Variants in SYTL1 observed in about 807,000 individuals in gnomAD.
SYTL1 encodes synaptotagmin-like protein 1.
SYTL1 carries 53 observed loss-of-function variants against 74.6 expected under a neutral mutation model. The ratio of observed to expected loss-of-function variants is 0.71; its 90% CI spans 0.57 to 0.89. The LOEUF (loss-of-function observed/expected upper bound fraction) is 0.89. Among genes scored for constraint, SYTL1 ranks in the 40% least tolerant of loss-of-function variants. The pLI is 0.00. For missense variants in SYTL1, 728 were observed against 768.7 expected (o/e 0.95, Z 0.63); for synonymous variants, 329 against 324.9 (o/e 1.01, Z -0.14).
rs528138959 is a variant in SYTL1 at position 27,351,446 on chromosome 1, C to T, written c.1244-10C>T. On this transcript the variant is annotated splice_polypyrimidine_tract_variant and intron_variant, in intron 12 of 14. Transcript: ENST00000616558. This position sits in a 1 kb window ranked among gnomAD's most constrained non-coding sequence, Gnocchi z 5.0. ...ATCCGTGTGCGGGCCTGAGCCGAGCCTCTCCGCAGGCGCAGGACTGCCCCC... is the reference window on the plus strand; with the variant it reads ...ATCCGTGTGCGGGCCTGAGCCGAGCTTCTCCGCAGGCGCAGGACTGCCCCC... The T allele has an allele frequency of 2.6e-6, 4 of 1,518,410 alleles. No homozygotes were observed. The highest frequency in any genetic ancestry group is 3.5e-6 in the Non-Finnish European group (4 of 1,129,334). The allele number at this position is 1,518,410 out of a possible 1,614,324, so 94.1% of individuals were successfully genotyped here.
At chr1:27,353,148 G>A in intron 13 of SYTL1, 135 bp from the exon 14 acceptor site, 4 of 867,336 alleles carry the variant, frequency 4.6e-6, no homozygotes, top group Non-Finnish European at 5.4e-6. Flanking sequence ...TCCCAGGGCA[G>A]TGAGGGTCTA....
chr1:27,350,535 C>T lies in SYTL1; in HGVS notation c.1005+50C>T, dbSNP rs770626440. ...TCCCCGTTAATGAACTGGACGCCCC[C>T]TTCCTGCGGGGCTAGGTGGCAAGGG... On this transcript the variant is annotated intron_variant, in intron 10 of 14. Coordinates refer to ENST00000616558, the MANE Select transcript of SYTL1 (RefSeq NM_001193308.2). The surrounding 1 kb of genome is among the most constrained non-coding windows in gnomAD (Gnocchi z 6.3). The T allele has an allele frequency of 1.3e-6, 2 of 1,484,328 alleles. No individual in the cohort carries two copies. Among genetic ancestry groups the T allele is most frequent in the African/African-American group, 1.4e-5 (1 of 72,654 alleles). The allele number at this position is 1,484,328 out of a possible 1,614,324, so 91.9% of individuals were successfully genotyped here.
Position 27,343,558 on chromosome 1 carries a change from G to A in SYTL1, c.-39+1408G>A, listed in dbSNP as rs1426873252. 6.6e-6 allele frequency among the ~76,000 whole-genome samples: 1 copy of A among 152,096 alleles called. No individual in the cohort carries two copies. The highest frequency in any genetic ancestry group is 1.5e-5 in the Non-Finnish European group (1 of 67,988). On this transcript the variant is annotated intron_variant, in intron 1 of 14. Coordinates refer to ENST00000616558, the MANE Select transcript of SYTL1 (RefSeq NM_001193308.2). The surrounding 1 kb of genome is among the most constrained non-coding windows in gnomAD (Gnocchi z 5.2). ...GTGGTGGCAGGAGGGGACCCAGGCTGTGAGGTTCCTGGTGCGGGGGAGTGA... is the reference window on the plus strand; with the variant it reads ...GTGGTGGCAGGAGGGGACCCAGGCTATGAGGTTCCTGGTGCGGGGGAGTGA...
chr1:27,347,971 A>C lies in SYTL1; in HGVS notation c.418A>C (p.Thr140Pro), dbSNP rs1400479939. Residue 140 changes from threonine to proline, a missense_variant, in exon 5 of 15, where the codon ACC becomes CCC. By Grantham distance (38) the Thr-to-Pro change is conservative. Transcript: ENST00000616558. This position sits in a 1 kb window ranked among gnomAD's most constrained non-coding sequence, Gnocchi z 4.9. The part of the protein sequence containing the change: ...EKEEGPEPRL[T>P]IDEAPQERLR... The stretch of plus-strand genomic sequence containing the variant: ...GCGTCCTCTCCCTACTCCTAGGCTC[A>C]CCATTGATGAGGCCCCTCAGGAGAG... The C allele has an allele frequency of 6.2e-7, 1 of 1,614,170 alleles. No homozygotes were observed. The highest frequency in any genetic ancestry group is 1.3e-5 in the African/African-American group (1 of 75,050).
At position 27,350,147 on chromosome 1, in the gene SYTL1, G is replaced by A. The variant is rs2015197447; in HGVS notation, c.908+15G>A. 4.3e-6 allele frequency: 6 copies of A among 1,398,142 alleles called. No individual in the cohort carries two copies. In the East Asian group the frequency reaches 1.5e-4, roughly 34 times the overall value. 86.6% of individuals were successfully genotyped at this position (1,398,142 alleles called of 1,614,324 possible). Reference sequence around the variant, plus strand: ...CGCTCGGACCCGTGAGTGCCCCGCCGGCCAAGCGGGGCGCGGCTGTCACAG... The same window carrying A: ...CGCTCGGACCCGTGAGTGCCCCGCCAGCCAAGCGGGGCGCGGCTGTCACAG... On this transcript the variant is annotated intron_variant, in intron 9 of 14. Transcript: ENST00000616558. The surrounding 1 kb of genome is among the most constrained non-coding windows in gnomAD (Gnocchi z 6.3).
At chr1:27,349,882 C>T (rs1247198729) in intron 8 of SYTL1, 90 bp from the exon 9 acceptor site, 2 of 1,537,566 alleles carry the variant, frequency 1.3e-6, no homozygotes, top group African/African-American at 2.7e-5. Flanking sequence ...AGCCTGCCAC[C>T]TATGACCCGG....
At position 27,350,484 on chromosome 1, in the gene SYTL1, G is replaced by A. The variant is rs1042345533; in HGVS notation, c.1004G>A (p.Arg335Gln). 3 of 1,611,678 alleles carry A rather than the reference G, an allele frequency of 1.9e-6. No homozygotes were observed. The highest frequency in any genetic ancestry group is 2.5e-6 in the Non-Finnish European group (3 of 1,178,728). Residue 335 changes from arginine (R) to glutamine (Q), a missense_variant and splice_region_variant, in exon 10 of 15, where the codon CGG becomes CAG. Physicochemically the swap from Arg to Gln is conservative, Grantham distance 43 (BLOSUM62 1). Coordinates refer to ENST00000616558, the MANE Select transcript of SYTL1 (RefSeq NM_001193308.2). The surrounding 1 kb of genome is among the most constrained non-coding windows in gnomAD (Gnocchi z 6.3). ...AATCCGGTTTTCAACGAGACTCTCC[G>A]GGTGAGGCTGTGACCACGATGCGGT... ...NLNPVFNETL[R>Q]YSVPQAELQG...
At position 27,348,183 on chromosome 1, in the gene SYTL1, C is replaced by T. The variant is rs955041151; in HGVS notation, c.459+171C>T. 1.3e-5 allele frequency among the ~76,000 whole-genome samples: 2 copies of T among 152,014 alleles called. No homozygotes were observed. The highest frequency in any genetic ancestry group is 4.8e-5 in the African/African-American group (2 of 41,392). On this transcript the variant is annotated intron_variant, in intron 5 of 14. Coordinates refer to ENST00000616558, the MANE Select transcript of SYTL1 (RefSeq NM_001193308.2). The surrounding 1 kb of genome is among the most constrained non-coding windows in gnomAD (Gnocchi z 4.1). ...TGGAACAGTGGTGAACGGTGGGGAA[C>T]GGTGGTGAATGGTGGTAAACAGTGG...
Position 27,345,511 on chromosome 1 carries a change from G to A in SYTL1, c.177G>A (p.Glu59=). Residue 59 remains glutamate (E), a synonymous_variant, in exon 2 of 15, where the codon GAG becomes GAA. Transcript: ENST00000616558. The surrounding 1 kb of genome is among the most constrained non-coding windows in gnomAD (Gnocchi z 6.0). ...GAGATGCCCGCCTGCGCCAGCTGGAGGAGGGGCGGGTCAGGTAAGGCAGGG... is the reference window on the plus strand; with the variant it reads ...GAGATGCCCGCCTGCGCCAGCTGGAAGAGGGGCGGGTCAGGTAAGGCAGGG... ...LQRDARLRQL[E]EGRVSKLRAS... is the part of the protein sequence containing the mutation. 2 of 1,553,538 alleles carry A rather than the reference G, an allele frequency of 1.3e-6. No homozygotes were observed. The highest frequency in any genetic ancestry group is 1.2e-5 in the South Asian group (1 of 84,058).
rs1017298256 is a variant in SYTL1 at position 27,349,827 on chromosome 1, C to CT, written c.747+63dup. ...GTGGACCCGTTCCGATGCGTAGCCC[C>CT]TGCCTGCCCCTCCCTCGCCGCGGGA... is the stretch of plus-strand genomic sequence containing the variant. On this transcript the variant is annotated intron_variant, in intron 8 of 14. Transcript: ENST00000616558. 8 of 1,543,494 alleles carry CT rather than the reference C, an allele frequency of 5.2e-6. No individual in the cohort carries two copies. In the African/African-American group the frequency reaches 1.1e-4, roughly 21 times the overall value.
rs752046188 is a variant in SYTL1, at chr1:27,347,371, G to C, written c.192-50G>C. 60 of 1,612,750 alleles carry C rather than the reference G, an allele frequency of 3.7e-5. No homozygotes were observed. The highest frequency in any genetic ancestry group is 5.0e-5 in the Non-Finnish European group (59 of 1,179,522). ...AGCCTGTTAACAATGTAGGTGGCGG[G>C]AATGTTGCTTGGGTGAGTCATGACA... On this transcript the variant is annotated intron_variant, in intron 2 of 14. Coordinates refer to ENST00000616558, the MANE Select transcript of SYTL1 (RefSeq NM_001193308.2). This position sits in a 1 kb window ranked among gnomAD's most constrained non-coding sequence, Gnocchi z 4.9.
chr1:27,345,601 C>T lies in SYTL1; in HGVS notation c.191+76C>T. On this transcript the variant is annotated intron_variant, in intron 2 of 14. Coordinates refer to ENST00000616558, the MANE Select transcript of SYTL1 (RefSeq NM_001193308.2). The surrounding 1 kb of genome is among the most constrained non-coding windows in gnomAD (Gnocchi z 6.0). ...CCCATCCTGCTCCCTACCGACACCACTGCCTGTCAGATGTCTGCGTGGTTC... is the reference window on the plus strand; with the variant it reads ...CCCATCCTGCTCCCTACCGACACCATTGCCTGTCAGATGTCTGCGTGGTTC... 1 of 1,022,416 alleles carries T rather than the reference C, an allele frequency of 9.8e-7. No homozygotes were observed. The highest frequency in any genetic ancestry group is 2.7e-5 in the Admixed American group (1 of 36,398). 63.3% of individuals were successfully genotyped at this position (1,022,416 alleles called of 1,614,324 possible). A position where few individuals can be genotyped will look rare whatever the true frequency, so the allele number is the denominator to read the frequency against.
In SYTL1 at chr1:27,342,322, C is replaced by T. The variant is rs1315838645; in HGVS notation, c.-39+172C>T. On this transcript the variant is annotated intron_variant, in intron 1 of 14. Transcript: ENST00000616558. This position sits in a 1 kb window ranked among gnomAD's most constrained non-coding sequence, Gnocchi z 4.7. ...CTCCTCTTGACCAATGGGTCTGTCC[C>T]ACCGTGTCAAAACAGCAGAGAAGAC... 1 of 985,154 alleles carries T rather than the reference C, an allele frequency of 1.0e-6. No individual in the cohort carries two copies. The highest frequency in any genetic ancestry group is 1.2e-6 in the Non-Finnish European group (1 of 829,782). 61.0% of individuals were successfully genotyped at this position (985,154 alleles called of 1,614,324 possible). A position where few individuals can be genotyped will look rare whatever the true frequency, so the allele number is the denominator to read the frequency against.
At position 27,347,930 on chromosome 1, in the gene SYTL1, G is replaced by T; in HGVS notation, c.414-37G>T. ...GAGATGGTGCCCACCAGTCACCAGG[G>T]TCCCTCCCTCTGAGAGCGTCCTCTC... On this transcript the variant is annotated intron_variant, in intron 4 of 14. Coordinates refer to ENST00000616558, the MANE Select transcript of SYTL1 (RefSeq NM_001193308.2). The surrounding 1 kb of genome is among the most constrained non-coding windows in gnomAD (Gnocchi z 4.9). The T allele has an allele frequency of 6.2e-7, 1 of 1,614,052 alleles. No individual in the cohort carries two copies. Among genetic ancestry groups the T allele is most frequent in the Non-Finnish European group, 8.5e-7 (1 of 1,179,898 alleles).
chr1:27,349,285 G>A, intron 6 of SYTL1, 113 bp from the exon 7 acceptor site: 1 of 1,463,954 alleles, frequency 6.8e-7, no homozygotes, highest in South Asian at 1.4e-5. Context: ...GACGATCCCA[G>A]GGCAGCACCG....
Position 27,349,443 on chromosome 1 carries a change from C to T in SYTL1, c.578C>T (p.Pro193Leu), listed in dbSNP as rs1255502865. 1.4e-6 allele frequency: 2 copies of T among 1,453,320 alleles called. No individual in the cohort carries two copies. Among genetic ancestry groups the T allele is most frequent in the East Asian group, 2.5e-5 (1 of 39,740 alleles). 90.0% of individuals were successfully genotyped at this position (1,453,320 alleles called of 1,614,324 possible). A position where few individuals can be genotyped will look rare whatever the true frequency, so the allele number is the denominator to read the frequency against. Residue 193 changes from proline (P) to leucine (L), a missense_variant, in exon 7 of 15, where the codon CCG (proline) becomes CTG (leucine). By Grantham distance (98) the Pro-to-Leu change is moderately conservative (BLOSUM62 -3). Transcript: ENST00000616558. Reference protein sequence around the residue: ...DQQVCAEEADPELEPASGGEQ... With the variant: ...DQQVCAEEADLELEPASGGEQ... ...CAGGTCTGTGCCGAGGAGGCTGACC[C>T]GGAGCTGGAGCCCGCGTCGGGGGGA... is the stretch of plus-strand genomic sequence containing the variant.
rs1443916183 is a variant in SYTL1, at chr1:27,345,776, TCTG to T, written c.191+254_191+256del. On this transcript the variant is annotated intron_variant, in intron 2 of 14. Transcript: ENST00000616558. The surrounding 1 kb of genome is among the most constrained non-coding windows in gnomAD (Gnocchi z 6.0). ...CTGCAGCTGGTGCTCCCCAGATCTGTCTGCTTTTTTTTTTTTTTCTTGAGACAG... is the reference window on the plus strand; with the variant it reads ...CTGCAGCTGGTGCTCCCCAGATCTGTCTTTTTTTTTTTTTTCTTGAGACAG... Among the ~76,000 whole-genome samples the T allele has an allele frequency of 6.7e-6, 1 of 150,226 alleles. No homozygotes were observed. Among genetic ancestry groups the T allele is most frequent in the Admixed American group, 6.6e-5 (1 of 15,100 alleles).
Position 27,347,214 on chromosome 1 carries a change from T to G in SYTL1, c.192-207T>G, listed in dbSNP as rs139587529. Among the ~76,000 whole-genome samples, 134 of 152,366 alleles carry G rather than the reference T, an allele frequency of 8.8e-4. 1 individual carries two copies. Among genetic ancestry groups the G allele is most frequent in the South Asian group, 7.7e-3 (37 of 4,826 alleles). On this transcript the variant is annotated intron_variant, in intron 2 of 14. Coordinates refer to ENST00000616558, the MANE Select transcript of SYTL1 (RefSeq NM_001193308.2). The surrounding 1 kb of genome is among the most constrained non-coding windows in gnomAD (Gnocchi z 4.9). Reference sequence around the variant, plus strand: ...TTCTCACAGGCAGAGCTGGCTCTTCTTACTTCTATCACATCATCCACCTCA... The same window carrying G: ...TTCTCACAGGCAGAGCTGGCTCTTCGTACTTCTATCACATCATCCACCTCA...
chr1:27,353,365 A>G lies in SYTL1; in HGVS notation c.1426A>G (p.Thr476Ala). ...RRSLSPVFNH[T>A]MVYDGFGPAD... is the part of the protein sequence containing the mutation. ...CAGCCTCAGCCCTGTGTTCAATCACACCATGGTGTACGATGGCTTTGGGCC... is the reference window on the plus strand; with the variant it reads ...CAGCCTCAGCCCTGTGTTCAATCACGCCATGGTGTACGATGGCTTTGGGCC... Residue 476 changes from threonine (T) to alanine (A), a missense_variant, in exon 14 of 15, where the codon ACC becomes GCC. Physicochemically the swap from Thr to Ala is moderately conservative, Grantham distance 58. Coordinates refer to ENST00000616558, the MANE Select transcript of SYTL1 (RefSeq NM_001193308.2). The G allele has an allele frequency of 6.2e-7, 1 of 1,611,536 alleles. No individual in the cohort carries two copies. The highest frequency in any genetic ancestry group is 8.5e-7 in the Non-Finnish European group (1 of 1,179,190).
Sources: gnomAD v4.1 joint callset for allele counts (sites outside exome capture counted in the v4.1 genomes callset) on GRCh38, gnomAD v4.1.1 for gene constraint, Gnocchi (gnomAD v3.1) non-coding constraint, MANE v1.5 for transcripts, NCBI Gene and HGNC (gene_info 2026-07-23, HGNC 2026-07-21) for gene names.